ACOT11: variants seen among roughly 807,000 people sequenced by gnomAD.
ACOT11 encodes the protein acyl-CoA thioesterase 11.
Under a neutral mutation model 77.5 loss-of-function variants are expected in ACOT11, and 69 were observed. That is an observed-to-expected ratio of 0.89 (90% confidence interval 0.73 to 1.09). The LOEUF is 1.09. Among genes scored for constraint, ACOT11 ranks in the 50% least tolerant of loss-of-function variants. The probability of loss-of-function intolerance (pLI) is 0.00; values close to 1 mark genes in which losing one functional copy is unlikely to be tolerated. For missense variants in ACOT11, 766 were observed against 813.7 expected (o/e 0.94, Z 0.71); for synonymous variants, 279 against 313.0 (o/e 0.89, Z 1.15).
At chr1:54,582,636 C>T (rs899405173) in intron 1 of ACOT11, 28 of 534,964 alleles carry the variant, frequency 5.2e-5, no homozygotes, top group African/African-American at 4.2e-4. Context: ...GGTATCATGA[C>T]TGCTGGTCCA....
chr1:54,619,971 A>G, intron 15 of ACOT11: 1 of 1,614,154 alleles, frequency 6.2e-7, no homozygotes, highest in Non-Finnish European at 8.5e-7. Flanking sequence ...GTAGTCCAGC[A>G]TGTCGGCATC....
intron 10 of ACOT11, among the ~76,000 whole-genome samples, chr1:54,603,438 G>A (rs1643988413): frequency 6.6e-6 from 1 of 152,208 alleles, no homozygotes; most frequent in Non-Finnish European, 1.5e-5. Flanking sequence ...AGCACAGCAG[G>A]GATCACAAGC....
intron 1 of ACOT11, among the ~76,000 whole-genome samples, chr1:54,552,602 A>G (rs1410904516): frequency 3.3e-5 from 5 of 151,384 alleles, no homozygotes; most frequent in Admixed American, 3.3e-4. Flanking sequence ...AGCGATTCTC[A>G]TTTCTCGGCC....
At chr1:54,617,522 C>G (rs1489052189) in intron 15 of ACOT11, among the ~76,000 whole-genome samples, 3 of 151,162 alleles carry the variant, frequency 2.0e-5, no homozygotes, top group African/African-American at 7.3e-5. Context: ...AACCCAAACT[C>G]TTTATCATAG....
Position 54,605,114 on chromosome 1 carries a change from C to T in ACOT11, c.1275C>T (p.Ser425=), listed in dbSNP as rs776774403. The change falls in exon 13 of 16, where the codon TCC becomes TCT. Residue 425 remains serine, a synonymous_variant. Transcript: ENST00000343744. ...CTCTGGAGGATGACAAGTTCCTCTC[C>T]TTCCACATGGAGATGGTGGTGCATG... The part of the protein sequence containing the change: ...LYTLEDDKFL[S]FHMEMVVHVD... The T allele has an allele frequency of 6.2e-7, 1 of 1,614,004 alleles. No homozygotes were observed. Among genetic ancestry groups the T allele is most frequent in the East Asian group, 2.2e-5 (1 of 44,880 alleles).
chr1:54,608,047 C>T lies in ACOT11; in HGVS notation c.1608C>T (p.Arg536=), dbSNP rs768003515. 1.8e-5 allele frequency: 29 copies of T among 1,611,878 alleles called. No homozygotes were observed. The East Asian group carries it at 3.4e-4, about 19-fold the overall frequency. The change falls in exon 15 of 16, where the codon CGC becomes CGT. Residue 536 remains arginine, a synonymous_variant. Coordinates refer to ENST00000343744, the MANE Select transcript of ACOT11 (RefSeq NM_147161.4). The part of the protein sequence containing the change: ...ETLCSGFCLW[R]EGDQLTKVSY... ...TCTGCTCAGGCTTCTGCCTCTGGCG[C>T]GAGGGGGACCAGCTGACCAAGGTGA...
In ACOT11 at chr1:54,610,179, C is replaced by T. The variant is rs1161617115; in HGVS notation, c.*1067C>T. 1 of 1,432,658 alleles carries T rather than the reference C, an allele frequency of 7.0e-7. No homozygotes were observed. Among genetic ancestry groups the T allele is most frequent in the South Asian group, 1.5e-5 (1 of 66,054 alleles). The allele number at this position is 1,432,658 out of a possible 1,614,324, so 88.7% of individuals were successfully genotyped here. A position where few individuals can be genotyped will look rare whatever the true frequency, so the allele number is the denominator to read the frequency against. ...CCATGACTCAGCCTGGGGGCTGGTG[C>T]CGGCCTTGCCTGCAGCAATGTAGCT... On this transcript the variant is annotated 3_prime_UTR_variant, in exon 16 of 16. Coordinates refer to ENST00000343744, the MANE Select transcript of ACOT11 (RefSeq NM_147161.4).
At chr1:54,564,537 G>A (rs1429597828) in intron 1 of ACOT11, among the ~76,000 whole-genome samples, 5 of 152,272 alleles carry the variant, frequency 3.3e-5, no homozygotes, top group Non-Finnish European at 5.9e-5. Context: ...GGTCGGAAGG[G>A]GAGTGGCCTT....
At chr1:54,568,301 T>G (rs919382864) in intron 1 of ACOT11, among the ~76,000 whole-genome samples, 3 of 152,146 alleles carry the variant, frequency 2.0e-5, no homozygotes, top group Non-Finnish European at 4.4e-5. Flanking sequence ...GTTCCTCTTT[T>G]GTTTATTGTC....
exon 17 of ACOT11, chr1:54,635,267 C>T: frequency 4.6e-6 from 1 of 218,016 alleles, no homozygotes; most frequent in Non-Finnish European, 9.1e-6. Flanking sequence ...GCTTGAATTG[C>T]ACCTCTCAGT....
chr1:54,577,917 C>T (rs955440836), intron 1 of ACOT11, among the ~76,000 whole-genome samples: 1 of 152,206 alleles, frequency 6.6e-6, no homozygotes, highest in African/African-American at 2.4e-5. Flanking sequence ...TTTTTCAGTA[C>T]CAAAAAGCCC....
rs551321687 is a variant in ACOT11 at position 54,623,157 on chromosome 1, A to G, written c.1630-7577A>G. On this transcript the variant is annotated intron_variant, in intron 15 of 16. Transcript: ENST00000371316. ...GTGCCATTGTACTCCAGCCTGGGCAACAAGAGCAAAACTCCGTCTAAAAAA... is the reference window on the plus strand; with the variant it reads ...GTGCCATTGTACTCCAGCCTGGGCAGCAAGAGCAAAACTCCGTCTAAAAAA... 1.0e-3 allele frequency: 686 copies of G among 677,428 alleles called. 3 individuals carry two copies. Among genetic ancestry groups the G allele is most frequent in the Non-Finnish European group, 5.0e-4 (197 of 393,310 alleles). 42.0% of individuals were successfully genotyped at this position (677,428 alleles called of 1,614,324 possible).
intron 1 of ACOT11, among the ~76,000 whole-genome samples, chr1:54,574,609 G>T (rs1408481010): frequency 1.3e-5 from 2 of 152,174 alleles, no homozygotes; most frequent in South Asian, 4.1e-4. Context: ...TCTGTGGGGG[G>T]TGCTCACTTG....
intron 7 of ACOT11, chr1:54,598,422 C>T (rs1162795077): frequency 6.6e-6 from 1 of 152,278 alleles, no homozygotes; most frequent in African/African-American, 2.4e-5. Context: ...CATGCATAGA[C>T]CTCAGTATTC....
intron 1 of ACOT11, among the ~76,000 whole-genome samples, chr1:54,549,750 G>A (rs1652997833): frequency 6.6e-6 from 1 of 152,228 alleles, no homozygotes; most frequent in Non-Finnish European, 1.5e-5. Flanking sequence ...GAATGAATGG[G>A]GACAGGCAGC....
chr1:54,565,062 C>A (rs1284292591), intron 1 of ACOT11, among the ~76,000 whole-genome samples: 2 of 152,172 alleles, frequency 1.3e-5, no homozygotes, highest in Admixed American at 6.5e-5. Flanking sequence ...CGTCTTCCCC[C>A]ACACCACCCC....
Position 54,607,489 on chromosome 1 carries a change from A to G in ACOT11, c.1502+224A>G, listed in dbSNP as rs1218624129. Among the ~76,000 whole-genome samples, 1 of 152,128 alleles carries G rather than the reference A, an allele frequency of 6.6e-6. No homozygotes were observed. Among genetic ancestry groups the G allele is most frequent in the African/African-American group, 2.4e-5 (1 of 41,432 alleles). ...CCCCTCTTGTCGCATTCCCTAGAGC[A>G]GGGCCACCCTTACCCAGGGTGGCTC... On this transcript the variant is annotated intron_variant, in intron 14 of 15. Transcript: ENST00000343744. The surrounding 1 kb of genome is among the most constrained non-coding windows in gnomAD (Gnocchi z 4.5).
At position 54,584,971 on chromosome 1, in the gene ACOT11, C is replaced by A; in HGVS notation, c.241+109C>A. The A allele has an allele frequency of 1.6e-6, 2 of 1,229,312 alleles. No individual in the cohort carries two copies. The highest frequency in any genetic ancestry group is 2.2e-6 in the Non-Finnish European group (2 of 889,350). 76.2% of individuals were successfully genotyped at this position (1,229,312 alleles called of 1,614,324 possible). The stretch of plus-strand genomic sequence containing the variant: ...CCTAAGTGCCACACTTGTTTCTCAT[C>A]TTGGCCTTTGCTCATGCTGGTCCCT... On this transcript the variant is annotated intron_variant, in intron 2 of 15. Coordinates refer to ENST00000343744, the MANE Select transcript of ACOT11 (RefSeq NM_147161.4). The surrounding 1 kb of genome is among the most constrained non-coding windows in gnomAD (Gnocchi z 6.3).
chr1:54,565,830 A>G (rs428608), intron 1 of ACOT11, among the ~76,000 whole-genome samples: 6,384 of 152,234 alleles, frequency 0.042, 461 homozygotes, highest in African/African-American at 0.14. Flanking sequence ...ACTCTAGGCA[A>G]ACAAAGCCCC....
Sources: gnomAD v4.1 joint callset for allele counts (sites outside exome capture counted in the v4.1 genomes callset) on GRCh38, gnomAD v4.1.1 for gene constraint, Gnocchi (gnomAD v3.1) non-coding constraint, MANE v1.5 for transcripts, NCBI Gene and HGNC (gene_info 2026-07-23, HGNC 2026-07-21) for gene names.